HSD17B2: variants seen among roughly 807,000 people sequenced by gnomAD.
HSD17B2 encodes the protein 17-beta-hydroxysteroid dehydrogenase type 2.
Under a neutral mutation model 26.9 loss-of-function variants are expected in HSD17B2, and 32 were observed. The observed-to-expected ratio is 1.19, with a 90% CI of 0.90 to 1.60. The LOEUF (loss-of-function observed/expected upper bound fraction) is 1.60. Ranked by LOEUF, HSD17B2 falls within the 40% of genes most tolerant of loss-of-function variation. The probability of loss-of-function intolerance (pLI) is 0.00; values close to 1 mark genes in which losing one functional copy is unlikely to be tolerated. For missense variants in HSD17B2, 613 were observed against 468.6 expected, an observed-to-expected ratio of 1.31 and a Z score of -2.85; for synonymous variants, 246 against 186.7, an observed-to-expected ratio of 1.32 and a Z score of -2.59.
At chr16:82,091,544 A>C (rs1012179627) in intron 4 of HSD17B2, 1 of 173,162 alleles carries the variant, frequency 5.8e-6, no homozygotes, top group African/African-American at 2.4e-5. Context: ...TATTTCAGGA[A>C]AGGGAAGTCA....
intron 3 of HSD17B2, among the ~76,000 whole-genome samples, chr16:82,072,751 TA>T (rs1914725744): frequency 6.6e-6 from 1 of 152,056 alleles, no homozygotes; most frequent in East Asian, 1.9e-4. Flanking sequence ...AATGAATGGG[TA>T]AGTGAAAAGC....
intron 1 of HSD17B2, among the ~76,000 whole-genome samples, chr16:82,058,328 C>T (rs1031934689): frequency 6.6e-6 from 1 of 152,072 alleles, no homozygotes; most frequent in Non-Finnish European, 1.5e-5. Flanking sequence ...GCCTCAGCCT[C>T]CCAAAGTTCT....
chr16:82,035,495 T>C lies in HSD17B2; in HGVS notation c.71T>C (p.Phe24Ser). 1.2e-6 allele frequency: 2 copies of C among 1,614,096 alleles called. No individual in the cohort carries two copies. Among genetic ancestry groups the C allele is most frequent in the Non-Finnish European group, 1.7e-6 (2 of 1,180,024 alleles). The change falls in exon 1 of 5, where the codon TTT becomes TCT. Residue 24 changes from phenylalanine (F) to serine (S), a missense_variant. Coordinates refer to ENST00000199936, the MANE Select transcript of HSD17B2 (RefSeq NM_002153.3). ...AVPTVLCGTV[F>S]CKYKKSSGQL... ...CCCACAGTACTATGTGGGACAGTAT[T>C]TTGCAAATACAAGAAGAGCTCAGGG...
chr16:82,052,149 A>T (rs1008388377), intron 1 of HSD17B2: 1 of 152,238 alleles, frequency 6.6e-6, no homozygotes, highest in Non-Finnish European at 1.5e-5. Flanking sequence ...GACTATTCTT[A>T]TACGGGTTGG....
intron 1 of HSD17B2, among the ~76,000 whole-genome samples, chr16:82,048,281 G>C (rs1299993054): frequency 2.0e-5 from 3 of 152,184 alleles, no homozygotes; most frequent in Non-Finnish European, 4.4e-5. Context: ...GGGTGGTGTA[G>C]GGTTCCAAGG....
chr16:82,083,670 T>C (rs1311805598), intron 3 of HSD17B2, among the ~76,000 whole-genome samples: 1 of 152,122 alleles, frequency 6.6e-6, no homozygotes, highest in Non-Finnish European at 1.5e-5. Flanking sequence ...CTTCTTAATC[T>C]GCCAGCTGCT....
In HSD17B2 at chr16:82,036,574, A is replaced by G. The variant is rs528189821; in HGVS notation, c.265+885A>G. Among the ~76,000 whole-genome samples the G allele has an allele frequency of 1.1e-4, 17 of 152,204 alleles. No homozygotes were observed. The South Asian group carries it at 3.1e-3, about 28-fold the overall frequency. On this transcript the variant is annotated intron_variant, in intron 1 of 4. Transcript: ENST00000199936. ...GACCATGATCCTCAGGGTGAAGGCA[A>G]GAATGGCATGGGGATGTGGTTGGGA...
At chr16:82,066,377 C>T (rs1232883573) in intron 1 of HSD17B2, among the ~76,000 whole-genome samples, 2 of 152,204 alleles carry the variant, frequency 1.3e-5, no homozygotes, top group East Asian at 1.9e-4. Flanking sequence ...CAGGAGTACA[C>T]ACACCTTTTG....
rs75102012 is a variant in HSD17B2 at position 82,090,956 on chromosome 16, C to G, written c.719C>G (p.Thr240Ser). The G allele has an allele frequency of 1.7e-3, 2,741 of 1,614,002 alleles. 37 individuals are homozygous for G. The African/African-American group carries it at 0.032, about 19-fold the overall frequency. Residue 240 changes from threonine to serine, a missense_variant, in exon 4 of 5, where the codon ACC (threonine) becomes AGC (serine). Coordinates refer to ENST00000199936, the MANE Select transcript of HSD17B2 (RefSeq NM_002153.3). ...TATGGCTCATCAAAGGCGGCTGTGACCATGTTCTCATCAGTTATGAGACTG... is the reference window on the plus strand; with the variant it reads ...TATGGCTCATCAAAGGCGGCTGTGAGCATGTTCTCATCAGTTATGAGACTG... ...ASYGSSKAAV[T>S]MFSSVMRLEL...
chr16:82,055,351 C>T (rs997967340), intron 1 of HSD17B2, among the ~76,000 whole-genome samples: 2 of 152,196 alleles, frequency 1.3e-5, no homozygotes, highest in Non-Finnish European at 2.9e-5. Flanking sequence ...CCCATTCCCA[C>T]CTGACGCCAA....
intron 3 of HSD17B2, among the ~76,000 whole-genome samples, chr16:82,074,922 C>T (rs566491670): frequency 2.6e-5 from 4 of 152,262 alleles, no homozygotes; most frequent in South Asian, 2.1e-4. Context: ...GCACATGGAT[C>T]GTTCTCAAGG....
Position 82,091,028 on chromosome 16 carries a change from G to T in HSD17B2, c.791G>T (p.Gly264Val). Reference sequence around the variant, plus strand: ...AAAGTTGCTTCCATCCAACCTGGAGGCTTCCTAACAAGTAGGTTTCTGAGC... The same window carrying T: ...AAAGTTGCTTCCATCCAACCTGGAGTCTTCCTAACAAGTAGGTTTCTGAGC... ...GIKVASIQPG[G>V]FLTNIAGTSD... The change falls in exon 4 of 5, where the codon GGC (glycine) becomes GTC (valine). Residue 264 changes from glycine to valine, a missense_variant. Transcript: ENST00000199936. 1 of 1,613,910 alleles carries T rather than the reference G, an allele frequency of 6.2e-7. No individual in the cohort carries two copies. Among genetic ancestry groups the T allele is most frequent in the Non-Finnish European group, 8.5e-7 (1 of 1,179,850 alleles).
chr16:82,083,773 T>A lies in HSD17B2; in HGVS notation c.665-7129T>A, dbSNP rs545924504. On this transcript the variant is annotated intron_variant, in intron 3 of 4. Coordinates refer to ENST00000199936, the MANE Select transcript of HSD17B2 (RefSeq NM_002153.3). ...TGAGGAGATGACCCCAACAGGTAAC[T>A]CCTTCCAGATTTGACCATGTCTACT... 4.6e-5 allele frequency among the ~76,000 whole-genome samples: 7 copies of A among 152,228 alleles called. No homozygotes were observed. In the East Asian group the frequency reaches 1.4e-3, roughly 29 times the overall value.
chr16:82,058,447 A>C (rs1301230088), intron 1 of HSD17B2, among the ~76,000 whole-genome samples: 1 of 152,106 alleles, frequency 6.6e-6, no homozygotes, highest in Non-Finnish European at 1.5e-5. Context: ...TTTTTTTGTA[A>C]ATCTAAATTT....
At chr16:82,083,026 C>A in intron 3 of HSD17B2, among the ~76,000 whole-genome samples, 1 of 152,138 alleles carries the variant, frequency 6.6e-6, no homozygotes, top group Non-Finnish European at 1.5e-5. Flanking sequence ...GTCAAAGGGT[C>A]TCAGATGCTC....
At chr16:82,059,272 G>C (rs1022621194) in intron 1 of HSD17B2, among the ~76,000 whole-genome samples, 1 of 152,190 alleles carries the variant, frequency 6.6e-6, no homozygotes, top group Non-Finnish European at 1.5e-5. Context: ...ATGGATGTTG[G>C]CTGGCAGATG....
chr16:82,054,714 T>C (rs145199584), intron 1 of HSD17B2, among the ~76,000 whole-genome samples: 1,897 of 152,354 alleles, frequency 0.012, 20 homozygotes, highest in Non-Finnish European at 0.019. Context: ...GAAATGTTGC[T>C]TTCTCTTCCC....
intron 3 of HSD17B2, among the ~76,000 whole-genome samples, chr16:82,088,910 T>C (rs796292520): frequency 6.6e-5 from 10 of 152,308 alleles, no homozygotes; most frequent in African/African-American, 2.2e-4. Context: ...AGCTCTTCAA[T>C]TGTCTGAGAG....
chr16:82,043,684 CAAAAAAAAAAA>C (rs398030034), intron 1 of HSD17B2, among the ~76,000 whole-genome samples: 12 of 22,540 alleles, frequency 5.3e-4, no homozygotes, highest in Non-Finnish European at 8.1e-4. Flanking sequence ...AACTCTGTCT[CAAAAAAAAAAA>C]AAAAAAAAAA....
Sources: allele counts gnomAD v4.1 joint callset (sites outside exome capture counted in the v4.1 genomes callset), GRCh38; gene constraint gnomAD v4.1.1; transcripts MANE v1.5; gene names NCBI Gene and HGNC (gene_info 2026-07-23, HGNC 2026-07-21).